The following CEP135 variants were observed in gnomAD, a reference collection of about 807,000 sequenced individuals.
The protein encoded by CEP135 is centrosomal protein of 135 kDa.
Under a neutral mutation model 157.3 loss-of-function variants are expected in CEP135, and 142 were observed. The observed-to-expected ratio is 0.90, with a 90% CI of 0.79 to 1.04. The LOEUF is 1.04. CEP135 is among the 50% of genes least tolerant of loss of function. CEP135 has a pLI of 0.00. For missense variants in CEP135, 1,317 were observed against 1,309.2 expected, an observed-to-expected ratio of 1.01 and a Z score of -0.09; for synonymous variants, 396 against 439.8, an observed-to-expected ratio of 0.90 and a Z score of 1.25.
intron 21 of CEP135, among the ~76,000 whole-genome samples, chr4:56,015,762 G>A (rs1730750779): frequency 6.6e-6 from 1 of 152,136 alleles, no homozygotes; most frequent in African/African-American, 2.4e-5. Flanking sequence ...TCCCAGTGTG[G>A]TCCATATTCA....
chr4:55,991,523 A>C (rs1729796721), intron 14 of CEP135, among the ~76,000 whole-genome samples: 1 of 151,874 alleles, frequency 6.6e-6, no homozygotes, highest in Non-Finnish European at 1.5e-5. Flanking sequence ...TTTTCAGGAA[A>C]ATTATACTGT....
Position 55,993,147 on chromosome 4 carries a change from G to A in CEP135, c.2009+1062G>A, listed in dbSNP as rs1016783941. 5.9e-5 allele frequency among the ~76,000 whole-genome samples: 9 copies of A among 152,122 alleles called. No individual in the cohort carries two copies. The South Asian group carries it at 6.2e-4, about 11-fold the overall frequency. ...AGTTAGTGAATGGCATTGGATATTG[G>A]CAGAAAACTGAGTTGGTGAAATAGA... On this transcript the variant is annotated intron_variant, in intron 15 of 25. Coordinates refer to ENST00000257287, the MANE Select transcript of CEP135 (RefSeq NM_025009.5).
chr4:55,971,266 G>T lies in CEP135; in HGVS notation c.1111-4G>T, dbSNP rs1729017365. The T allele has an allele frequency of 1.3e-6, 2 of 1,559,670 alleles. No individual in the cohort carries two copies. Among genetic ancestry groups the T allele is most frequent in the South Asian group, 2.4e-5 (2 of 82,128 alleles). On this transcript the variant is annotated splice_region_variant and splice_polypyrimidine_tract_variant and intron_variant, in intron 9 of 25. Transcript: ENST00000257287. ...AATCTTAATTATAGTATTAAAATTT[G>T]CAGGAATTGAACTTATGCCAGAAAG...
chr4:55,973,427 A>G (rs1032598317), intron 10 of CEP135, among the ~76,000 whole-genome samples: 3 of 152,150 alleles, frequency 2.0e-5, no homozygotes, highest in Non-Finnish European at 4.4e-5. Context: ...CAGTTTTCCT[A>G]AAAGAAGGGA....
intron 9 of CEP135, among the ~76,000 whole-genome samples, chr4:55,970,922 G>A (rs1443774796): frequency 6.6e-6 from 1 of 152,102 alleles, no homozygotes; most frequent in Non-Finnish European, 1.5e-5. Context: ...ACTGTGTGTG[G>A]TGATCTTAGA....
At chr4:55,967,656 A>G (rs540776253) in intron 8 of CEP135, among the ~76,000 whole-genome samples, 1 of 152,326 alleles carries the variant, frequency 6.6e-6, no homozygotes, top group East Asian at 1.9e-4. Context: ...TAATACTTGG[A>G]AAGTGTTCAA....
chr4:55,963,770 C>T (rs957794598), intron 6 of CEP135, among the ~76,000 whole-genome samples: 5 of 152,090 alleles, frequency 3.3e-5, no homozygotes, highest in African/African-American at 1.2e-4. Flanking sequence ...AAAGCCAAAG[C>T]TTGAAAGTGT....
intron 4 of CEP135, among the ~76,000 whole-genome samples, chr4:55,954,971 C>T (rs978080631): frequency 1.3e-5 from 2 of 152,054 alleles, no homozygotes; most frequent in Non-Finnish European, 2.9e-5. Context: ...GTTCCAGCTA[C>T]TTGGGAGGCT....
chr4:56,024,375 A>T (rs966351968), intron 24 of CEP135, 126 bp from the exon 25 acceptor site: 5 of 594,956 alleles, frequency 8.4e-6, no homozygotes, highest in South Asian at 2.5e-5. Flanking sequence ...AAGACATAGG[A>T]TTTAAATTTA....
chr4:55,994,289 A>G (rs559912665), intron 15 of CEP135, among the ~76,000 whole-genome samples: 1 of 152,312 alleles, frequency 6.6e-6, no homozygotes, highest in South Asian at 2.1e-4. Context: ...GCTTATGCCT[A>G]TAATTTCAAC....
chr4:56,030,576 C>G (rs1731305885), intron 25 of CEP135, among the ~76,000 whole-genome samples: 1 of 152,142 alleles, frequency 6.6e-6, no homozygotes, highest in Admixed American at 6.6e-5. Flanking sequence ...ACCTTGGCCT[C>G]CTGAGTAGCT....
chr4:56,017,625 C>A, intron 21 of CEP135, 23 bp from the exon 22 acceptor site: 1 of 1,544,308 alleles, frequency 6.5e-7, no homozygotes, highest in South Asian at 1.2e-5. Flanking sequence ...TAACTTTTTA[C>A]TTGTTTCTTT....
At chr4:56,014,411 G>A (rs1274705056) in intron 21 of CEP135, among the ~76,000 whole-genome samples, 1 of 152,164 alleles carries the variant, frequency 6.6e-6, no homozygotes, top group East Asian at 1.9e-4. Context: ...GAAGAGATGA[G>A]AGCTGTAAAG....
chr4:55,971,066 AAAG>A (rs1474973529), intron 9 of CEP135, among the ~76,000 whole-genome samples: 1 of 152,224 alleles, frequency 6.6e-6, no homozygotes, highest in Non-Finnish European at 1.5e-5. Flanking sequence ...TCCCACCCTC[AAAG>A]AAGCATTGTT....
At position 55,954,349 on chromosome 4, in the gene CEP135, A is replaced by G. The variant is rs892763012; in HGVS notation, c.438A>G (p.Gln146=). 1.2e-6 allele frequency: 2 copies of G among 1,606,772 alleles called. No homozygotes were observed. The highest frequency in any genetic ancestry group is 1.3e-5 in the African/African-American group (1 of 74,544). Residue 146 remains glutamine (Q), a synonymous_variant, in exon 4 of 26, where the codon CAA becomes CAG. Transcript: ENST00000257287. ...AGAATGAAAGAATTCAACAACTTCAAGAAAAGAATTTGCATGCTGTAGTAC... is the reference window on the plus strand; with the variant it reads ...AGAATGAAAGAATTCAACAACTTCAGGAAAAGAATTTGCATGCTGTAGTAC... The part of the protein sequence containing the change: ...KAKNERIQQL[Q]EKNLHAVVQT...
chr4:56,008,037 A>AT (rs1224855704), intron 17 of CEP135, among the ~76,000 whole-genome samples: 2 of 152,016 alleles, frequency 1.3e-5, no homozygotes, highest in Non-Finnish European at 2.9e-5. Context: ...TTTAAATGTC[A>AT]TTTTTTTCAA....
intron 8 of CEP135, among the ~76,000 whole-genome samples, chr4:55,967,529 A>G (rs893085514): frequency 7.2e-5 from 11 of 152,192 alleles, no homozygotes; most frequent in African/African-American, 2.7e-4. Flanking sequence ...CAGAACTCAC[A>G]TGATAGCCAG....
At chr4:56,001,760 AT>A (rs34047087) in intron 17 of CEP135, among the ~76,000 whole-genome samples, 81 of 151,302 alleles carry the variant, frequency 5.4e-4, no homozygotes, top group African/African-American at 1.8e-3. Flanking sequence ...TTATTTGAGG[AT>A]TTTTTTTTCT....
intron 8 of CEP135, 81 bp from the exon 9 acceptor site, chr4:55,968,982 C>A: frequency 9.4e-7 from 1 of 1,067,948 alleles, no homozygotes; most frequent in Non-Finnish European, 1.3e-6. Context: ...GAAGTAATTG[C>A]AAAATTACTT....
Sources: allele counts gnomAD v4.1 joint callset (sites outside exome capture counted in the v4.1 genomes callset), GRCh38; gene constraint gnomAD v4.1.1; transcripts MANE v1.5; gene names NCBI Gene and HGNC (gene_info 2026-07-23, HGNC 2026-07-21).